SLAIN2: variants seen among roughly 807,000 people sequenced by gnomAD.
SLAIN2 encodes SLAIN family member 2.
In SLAIN2, 31 loss-of-function variants were observed where a neutral mutation model predicts 56.6. The ratio of observed to expected loss-of-function variants is 0.55; its 90% CI spans 0.41 to 0.74. The LOEUF is 0.74. SLAIN2 is among the 30% of genes least tolerant of loss of function. The pLI, the probability that SLAIN2 is intolerant of heterozygous loss-of-function variation, is 0.00. For synonymous variants in SLAIN2, 317 were observed against 284.9 expected (o/e 1.11, Z -1.13); for missense variants, 777 against 754.2 (o/e 1.03, Z -0.35).
intron 6 of SLAIN2, among the ~76,000 whole-genome samples, chr4:48,386,496 A>AT (rs1716105025): frequency 6.6e-6 from 1 of 152,192 alleles, no homozygotes; most frequent in Non-Finnish European, 1.5e-5. Flanking sequence ...TATAATTTCC[A>AT]TTTTTCCTAA....
At chr4:48,363,621 G>A (rs1715400907) in intron 1 of SLAIN2, among the ~76,000 whole-genome samples, 1 of 99,558 alleles carries the variant, frequency 1.0e-5, no homozygotes, top group Non-Finnish European at 2.2e-5. Context: ...GCGGGGGGCT[G>A]ACCCCCCCAC....
intron 7 of SLAIN2, 77 bp downstream of exon 7, chr4:48,420,520 T>C (rs1717121212): frequency 1.3e-6 from 2 of 1,488,486 alleles, no homozygotes; most frequent in Admixed American, 3.6e-5. Context: ...GCTTCATCCG[T>C]ATGTTTGATA....
intron 5 of SLAIN2, among the ~76,000 whole-genome samples, chr4:48,383,233 C>G (rs1237206688): frequency 1.3e-5 from 2 of 149,190 alleles, no homozygotes; most frequent in Non-Finnish European, 3.0e-5. Flanking sequence ...TTATATTTCA[C>G]TATGAAAGTA....
intron 1 of SLAIN2, among the ~76,000 whole-genome samples, chr4:48,347,433 G>C (rs1281113906): frequency 6.7e-6 from 1 of 149,696 alleles, no homozygotes; most frequent in Admixed American, 6.7e-5. Context: ...ATGTTTTGTA[G>C]AGATAGGGTC....
intron 2 of SLAIN2, among the ~76,000 whole-genome samples, chr4:48,375,213 G>A (rs1377792545): frequency 6.6e-6 from 1 of 152,092 alleles, no homozygotes; most frequent in Non-Finnish European, 1.5e-5. Context: ...GAGGAAAAAG[G>A]TAGAATTTAG....
intron 1 of SLAIN2, among the ~76,000 whole-genome samples, chr4:48,361,375 G>A (rs1715322699): frequency 6.6e-6 from 1 of 152,174 alleles, no homozygotes; most frequent in Admixed American, 6.5e-5. Flanking sequence ...ATTTAAATAT[G>A]TGTGGTGGAG....
At chr4:48,393,385 CTT>C (rs1491449390) in intron 6 of SLAIN2, among the ~76,000 whole-genome samples, 3 of 49,566 alleles carry the variant, frequency 6.1e-5, no homozygotes, top group Non-Finnish European at 1.1e-4. Context: ...CCATGTCTGG[CTT>C]GTGTGTGTGT....
intron 1 of SLAIN2, among the ~76,000 whole-genome samples, chr4:48,346,850 T>G (rs1240530208): frequency 6.7e-6 from 1 of 149,536 alleles, no homozygotes; most frequent in South Asian, 2.1e-4. Flanking sequence ...TTTTTTTTTT[T>G]TTTTTAAGAG....
At chr4:48,373,007 G>A (rs1252238060) in intron 2 of SLAIN2, among the ~76,000 whole-genome samples, 6 of 151,906 alleles carry the variant, frequency 3.9e-5, no homozygotes, top group Admixed American at 6.6e-5. Flanking sequence ...ACTATCACTC[G>A]TTCCTAAAAT....
intron 6 of SLAIN2, among the ~76,000 whole-genome samples, chr4:48,395,336 GAACA>G (rs1716348345): frequency 6.6e-6 from 1 of 151,862 alleles, no homozygotes; most frequent in Non-Finnish European, 1.5e-5. Context: ...TTCCTATCCA[GAACA>G]TGTAGGTTTT....
intron 1 of SLAIN2, among the ~76,000 whole-genome samples, chr4:48,349,381 A>T (rs1170441035): frequency 6.6e-6 from 1 of 152,264 alleles, no homozygotes; most frequent in African/African-American, 2.4e-5. Context: ...CAGTGAGACC[A>T]GATTTCTTAC....
At chr4:48,349,441 T>C (rs1282529450) in intron 1 of SLAIN2, among the ~76,000 whole-genome samples, 1 of 152,230 alleles carries the variant, frequency 6.6e-6, no homozygotes, top group African/African-American at 2.4e-5. Context: ...TTCTGAATAA[T>C]GGCAGTATTG....
At chr4:48,410,431 A>C (rs1390747720) in intron 6 of SLAIN2, among the ~76,000 whole-genome samples, 1 of 152,022 alleles carries the variant, frequency 6.6e-6, no homozygotes, top group Non-Finnish European at 1.5e-5. Context: ...AAAGTTCTTA[A>C]TTTTGATGAA....
chr4:48,349,949 A>T (rs1714969263), intron 1 of SLAIN2, among the ~76,000 whole-genome samples: 1 of 152,062 alleles, frequency 6.6e-6, no homozygotes, highest in African/African-American at 2.4e-5. Flanking sequence ...TTTTAAATTT[A>T]ACAATTTAAT....
At chr4:48,389,982 A>G (rs1278806421) in intron 6 of SLAIN2, among the ~76,000 whole-genome samples, 2 of 152,196 alleles carry the variant, frequency 1.3e-5, no homozygotes, top group African/African-American at 2.4e-5. Flanking sequence ...CACTTAGGCT[A>G]TTATTGCATA....
intron 6 of SLAIN2, among the ~76,000 whole-genome samples, chr4:48,412,518 A>G (rs531101917): frequency 6.6e-6 from 1 of 152,238 alleles, no homozygotes; most frequent in East Asian, 1.9e-4. Flanking sequence ...GTTTATTTCT[A>G]AAAGTCATTA....
At chr4:48,396,760 G>A (rs114209432) in intron 6 of SLAIN2, among the ~76,000 whole-genome samples, 2,323 of 152,222 alleles carry the variant, frequency 0.015, 41 homozygotes, top group African/African-American at 0.052. Context: ...CTAATATATC[G>A]TAGGGGTGAC....
chr4:48,419,559 C>T (rs891679812), intron 6 of SLAIN2, among the ~76,000 whole-genome samples: 7 of 152,016 alleles, frequency 4.6e-5, no homozygotes, highest in African/African-American at 1.7e-4. Context: ...TCACCATGCC[C>T]AGCTGCCTTT....
At chr4:48,370,769 A>C (rs1715642640) in intron 2 of SLAIN2, among the ~76,000 whole-genome samples, 1 of 152,194 alleles carries the variant, frequency 6.6e-6, no homozygotes. Flanking sequence ...TCAGATAGTA[A>C]AAGATGGATG....
Sources: gnomAD v4.1 joint callset for allele counts (sites outside exome capture counted in the v4.1 genomes callset) on GRCh38, gnomAD v4.1.1 for gene constraint, MANE v1.5 for transcripts, NCBI Gene and HGNC (gene_info 2026-07-23, HGNC 2026-07-21) for gene names.